The following MBTD1 variants were observed in gnomAD, a reference collection of about 807,000 sequenced individuals.
MBTD1 encodes the protein mbt domain containing 1, also known as MBT domain-containing protein 1.
MBTD1 carries 24 observed loss-of-function variants against 87.8 expected under a neutral mutation model. The observed-to-expected ratio is 0.27, with a 90% CI of 0.20 to 0.38. The LOEUF (loss-of-function observed/expected upper bound fraction) is 0.38. MBTD1 is among the 10% of genes least tolerant of loss of function. The pLI, the probability that MBTD1 is intolerant of heterozygous loss-of-function variation, is 1.00. For missense variants in MBTD1, 436 were observed against 760.2 expected (o/e 0.57, Z 5.02); for synonymous variants, 237 against 248.6 (o/e 0.95, Z 0.44).
At chr17:51,210,667 A>G (rs887993437) in intron 6 of MBTD1, among the ~76,000 whole-genome samples, 4 of 151,992 alleles carry the variant, frequency 2.6e-5, no homozygotes, top group Non-Finnish European at 4.4e-5. Flanking sequence ...GAGGCAGGAG[A>G]ATCACTTGAA....
At chr17:51,218,883 T>C in intron 5 of MBTD1, 47 bp downstream of exon 5, 1 of 1,093,586 alleles carries the variant, frequency 9.1e-7, no homozygotes, top group African/African-American at 1.6e-5. Flanking sequence ...TAAAACTAAA[T>C]GAATCAATGT....
At chr17:51,255,910 TA>T (rs1168965306) in intron 2 of MBTD1, among the ~76,000 whole-genome samples, 1 of 152,202 alleles carries the variant, frequency 6.6e-6, no homozygotes, top group Non-Finnish European at 1.5e-5. Flanking sequence ...TATTAACCAA[TA>T]TTTATTGAAC....
intron 7 of MBTD1, among the ~76,000 whole-genome samples, chr17:51,205,465 G>T (rs1402209781): frequency 6.6e-6 from 1 of 152,206 alleles, no homozygotes; most frequent in East Asian, 1.9e-4. Flanking sequence ...ATAATATGCT[G>T]TTGTTTTAAA....
rs1222209289 is a variant in MBTD1, at chr17:51,179,490, A to T, written c.*1086T>A. 22 of 23,532 alleles carry T rather than the reference A, an allele frequency of 9.3e-4. No homozygotes were observed. Among genetic ancestry groups the T allele is most frequent in the Admixed American group, 2.4e-3 (5 of 2,052 alleles). The allele number at this position is 23,532 out of a possible 1,614,324, so 1.5% of individuals were successfully genotyped here. ...AATACAATTAAAGACAATTTTATATATATATATATATATATATATATATAT... is the reference window on the plus strand; with the variant it reads ...AATACAATTAAAGACAATTTTATATTTATATATATATATATATATATATAT... On this transcript the variant is annotated 3_prime_UTR_variant, in exon 17 of 17. Transcript: ENST00000586178.
At chr17:51,245,754 G>A (rs886078713) in intron 2 of MBTD1, among the ~76,000 whole-genome samples, 4 of 152,028 alleles carry the variant, frequency 2.6e-5, no homozygotes, top group African/African-American at 7.2e-5. Context: ...GAATCATCAA[G>A]GGTTTGGAAT....
rs2052731812 is a variant in MBTD1, at chr17:51,218,915, AT to A, written c.403+14del. On this transcript the variant is annotated intron_variant, in intron 5 of 16. Coordinates refer to ENST00000586178, the MANE Select transcript of MBTD1 (RefSeq NM_017643.3). ...ATGTCATATATTTCACCTCTGTCAG[AT>A]TCACCAATATTACCTGCTTTTGTCT... The A allele has an allele frequency of 7.1e-7, 1 of 1,414,282 alleles. No individual in the cohort carries two copies. Among genetic ancestry groups the A allele is most frequent in the African/African-American group, 1.4e-5 (1 of 70,304 alleles). The allele number at this position is 1,414,282 out of a possible 1,614,324, so 87.6% of individuals were successfully genotyped here. A position where few individuals can be genotyped will look rare whatever the true frequency, so the allele number is the denominator to read the frequency against.
At chr17:51,224,208 A>G (rs2053081907) in intron 3 of MBTD1, among the ~76,000 whole-genome samples, 1 of 152,224 alleles carries the variant, frequency 6.6e-6, no homozygotes, top group Non-Finnish European at 1.5e-5. Flanking sequence ...CTACTACCAC[A>G]TAATCTGAAG....
chr17:51,260,251 GT>G, upstream of MBTD1: 1 of 450,786 alleles, frequency 2.2e-6, no homozygotes, highest in Non-Finnish European at 3.9e-6. Context: ...AAAAGCAGAA[GT>G]TCCATTCAGC....
At chr17:51,219,745 G>A (rs1166582823) in intron 4 of MBTD1, among the ~76,000 whole-genome samples, 1 of 152,164 alleles carries the variant, frequency 6.6e-6, no homozygotes, top group Non-Finnish European at 1.5e-5. Flanking sequence ...CCTTTAAAAA[G>A]TAGTTTACAA....
chr17:51,246,895 C>T (rs1340080849), intron 2 of MBTD1, among the ~76,000 whole-genome samples: 1 of 152,156 alleles, frequency 6.6e-6, no homozygotes, highest in Non-Finnish European at 1.5e-5. Context: ...CCGCCTCAGC[C>T]TCCCAAAGTG....
intron 3 of MBTD1, among the ~76,000 whole-genome samples, chr17:51,222,509 A>G (rs182522665): frequency 4.6e-5 from 7 of 152,154 alleles, no homozygotes; most frequent in Admixed American, 1.3e-4. Context: ...GATTCAAGCA[A>G]TTCTCCTGCC....
chr17:51,188,004 CCA>C (rs2050625809), intron 16 of MBTD1, among the ~76,000 whole-genome samples: 1 of 152,000 alleles, frequency 6.6e-6, no homozygotes, highest in African/African-American at 2.4e-5. Flanking sequence ...TAAATGTAAG[CCA>C]CACAGTATTC....
intron 2 of MBTD1, among the ~76,000 whole-genome samples, chr17:51,246,244 G>C (rs2054427013): frequency 6.6e-6 from 1 of 152,144 alleles, no homozygotes; most frequent in Non-Finnish European, 1.5e-5. Context: ...ATAGCCTGAA[G>C]ATAATTTTAT....
At chr17:51,236,120 G>C (rs1253659677) in intron 2 of MBTD1, among the ~76,000 whole-genome samples, 1 of 151,894 alleles carries the variant, frequency 6.6e-6, no homozygotes, top group African/African-American at 2.4e-5. Flanking sequence ...CTATAGATAT[G>C]TCAATATCTA....
intron 16 of MBTD1, among the ~76,000 whole-genome samples, chr17:51,189,669 C>A (rs1288825787): frequency 6.6e-6 from 1 of 152,166 alleles, no homozygotes; most frequent in Non-Finnish European, 1.5e-5. Context: ...GTAATAAAAA[C>A]CATTTTTAAT....
At chr17:51,194,091 A>T (rs1457849661) in intron 13 of MBTD1, among the ~76,000 whole-genome samples, 5 of 152,246 alleles carry the variant, frequency 3.3e-5, no homozygotes, top group Non-Finnish European at 7.3e-5. Context: ...AGAAGAGTCT[A>T]GCACCTAATA....
intron 12 of MBTD1, among the ~76,000 whole-genome samples, chr17:51,197,116 A>C (rs1176153058): frequency 3.3e-5 from 2 of 61,092 alleles, no homozygotes; most frequent in East Asian, 5.2e-4. Flanking sequence ...ATATATATAT[A>C]TGGAGGACGG....
At chr17:51,218,280 G>A (rs1004821626) in intron 5 of MBTD1, among the ~76,000 whole-genome samples, 2 of 151,984 alleles carry the variant, frequency 1.3e-5, no homozygotes, top group Non-Finnish European at 2.9e-5. Flanking sequence ...TGTATTCCCA[G>A]CACTTTGGGA....
chr17:51,234,065 A>G (rs567880148), intron 2 of MBTD1, among the ~76,000 whole-genome samples: 31 of 152,304 alleles, frequency 2.0e-4, no homozygotes, highest in African/African-American at 7.0e-4. Flanking sequence ...AACAAAAAAA[A>G]GAAGACAAAA....
Sources: gnomAD v4.1 joint callset for allele counts (sites outside exome capture counted in the v4.1 genomes callset) on GRCh38, gnomAD v4.1.1 for gene constraint, MANE v1.5 for transcripts, NCBI Gene and HGNC (gene_info 2026-07-23, HGNC 2026-07-21) for gene names.